Variants in JAKMIP3 observed in about 807,000 individuals in gnomAD.
The protein encoded by JAKMIP3 is janus kinase and microtubule-interacting protein 3.
Under a neutral mutation model 118.5 loss-of-function variants are expected in JAKMIP3, and 58 were observed. The ratio of observed to expected loss-of-function variants is 0.49; its 90% CI spans 0.40 to 0.61. JAKMIP3 has a LOEUF of 0.61. JAKMIP3 is among the 20% of genes least tolerant of loss of function. The probability of loss-of-function intolerance (pLI) is 0.00; values close to 1 mark genes in which losing one functional copy is unlikely to be tolerated. For synonymous variants in JAKMIP3, 486 were observed against 451.2 expected, an observed-to-expected ratio of 1.08 and a Z score of -0.98; for missense variants, 950 against 1,109.0, an observed-to-expected ratio of 0.86 and a Z score of 2.04.
At chr10:132,122,348 C>G (rs1414420270) in intron 3 of JAKMIP3, among the ~76,000 whole-genome samples, 1 of 152,256 alleles carries the variant, frequency 6.6e-6, no homozygotes, top group Admixed American at 6.5e-5. Context: ...CCCAGCACCC[C>G]AGCCTTGGCC....
At chr10:132,081,854 C>T (rs761382675) in intron 1 of JAKMIP3, among the ~76,000 whole-genome samples, 3 of 152,048 alleles carry the variant, frequency 2.0e-5, no homozygotes, top group Non-Finnish European at 4.4e-5. Flanking sequence ...CAGCCCTCAT[C>T]GGCCTCATTG....
Position 132,146,109 on chromosome 10 carries a change from G to A in JAKMIP3, c.1749+529G>A, listed in dbSNP as rs545376161. ...GCTCTCTTGGTCCCAGATGACAAGA[G>A]GCTCCTGAAGTGCTGCCCCGCCCCC... On this transcript the variant is annotated intron_variant, in intron 13 of 23. Coordinates refer to ENST00000684848, the MANE Select transcript of JAKMIP3 (RefSeq NM_001323087.2). 2.6e-4 allele frequency among the ~76,000 whole-genome samples: 39 copies of A among 152,202 alleles called. No individual in the cohort carries two copies. In the East Asian group the frequency reaches 7.6e-3, roughly 30 times the overall value.
chr10:132,135,792 G>T, intron 5 of JAKMIP3, 138 bp from the exon 6 acceptor site: 2 of 904,310 alleles, frequency 2.2e-6, no homozygotes. Flanking sequence ...GGCACCACTT[G>T]GAGGCGTGGA....
intron 1 of JAKMIP3, among the ~76,000 whole-genome samples, chr10:132,067,615 CCG>C (rs1406079362): frequency 2.0e-4 from 7 of 35,884 alleles, no homozygotes; most frequent in South Asian, 1.3e-3. Flanking sequence ...CTGTGGGCTT[CCG>C]TGTGTACTGT....
Position 132,168,977 on chromosome 10 carries a change from T to C in JAKMIP3, c.*1047T>C. On this transcript the variant is annotated 3_prime_UTR_variant, in exon 23 of 24. Coordinates refer to ENST00000684848, the MANE Select transcript of JAKMIP3 (RefSeq NM_001323087.2). ...AAGAAGGGAACCGCGGGGACGGCCTTTCCCCTCCCGCCCTGTGTGGGGACG... is the reference window on the plus strand; with the variant it reads ...AAGAAGGGAACCGCGGGGACGGCCTCTCCCCTCCCGCCCTGTGTGGGGACG... The C allele has an allele frequency of 6.3e-6, 1 of 158,160 alleles. No homozygotes were observed. The highest frequency in any genetic ancestry group is 1.4e-5 in the Non-Finnish European group (1 of 71,598). 9.8% of individuals were successfully genotyped at this position (158,160 alleles called of 1,614,324 possible).
intron 6 of JAKMIP3, 92 bp from the exon 7 acceptor site, chr10:132,136,927 G>A (rs746484329): frequency 9.3e-5 from 132 of 1,420,670 alleles, no homozygotes; most frequent in Non-Finnish European, 1.1e-4. Flanking sequence ...GTGGCAGCCC[G>A]GGTTGAGGGA....
At chr10:132,151,092 C>T (rs1340037189) in intron 16 of JAKMIP3, among the ~76,000 whole-genome samples, 1 of 152,112 alleles carries the variant, frequency 6.6e-6, no homozygotes, top group Non-Finnish European at 1.5e-5. Flanking sequence ...CCCATTCATC[C>T]TCCATAATCC....
Position 132,104,929 on chromosome 10 carries a change from CAGG to C in JAKMIP3, c.124_126del (p.Glu42del), listed in dbSNP as rs1231938974. On this transcript the variant is annotated inframe_deletion, in exon 2 of 24. Transcript: ENST00000684848. Reference sequence around the variant, plus strand: ...CACAGACATCCAGATCGAGCTGCAGCAGGAGAAGAGCAAGGTGGGCGCTCCCCA... The same window carrying C: ...CACAGACATCCAGATCGAGCTGCAGCAGAAGAGCAAGGTGGGCGCTCCCCA... 4 of 1,591,870 alleles carry C rather than the reference CAGG, an allele frequency of 2.5e-6. No individual in the cohort carries two copies. The highest frequency in any genetic ancestry group is 1.7e-5 in the Admixed American group (1 of 57,576).
chr10:132,110,561 C>T (rs543179097), intron 2 of JAKMIP3, among the ~76,000 whole-genome samples: 1 of 152,330 alleles, frequency 6.6e-6, no homozygotes, highest in Admixed American at 6.5e-5. Flanking sequence ...CATCAGAATT[C>T]TGCAACTGCT....
intron 21 of JAKMIP3, 90 bp downstream of exon 21, chr10:132,164,825 C>A: frequency 1.1e-6 from 1 of 879,590 alleles, no homozygotes; most frequent in Non-Finnish European, 1.9e-6. Context: ...AGCTCCAGGC[C>A]GTTGGGGCAG....
At chr10:132,133,646 C>G in intron 4 of JAKMIP3, 119 bp downstream of exon 4, 7 of 925,098 alleles carry the variant, frequency 7.6e-6, no homozygotes, top group Non-Finnish European at 1.1e-5. Context: ...GAGGCAGCAC[C>G]CTCCTGCCTG....
intron 1 of JAKMIP3, among the ~76,000 whole-genome samples, chr10:132,076,753 A>G (rs1394217741): frequency 7.0e-6 from 1 of 142,186 alleles, no homozygotes; most frequent in Non-Finnish European, 1.5e-5. Context: ...TGACTGACTG[A>G]AGACTGGCCT....
chr10:132,037,705 G>T (rs1011151359), intron 1 of JAKMIP3, among the ~76,000 whole-genome samples: 2 of 152,222 alleles, frequency 1.3e-5, no homozygotes, highest in Non-Finnish European at 2.9e-5. Flanking sequence ...GTAAACTGGA[G>T]TGGGGAGGGC....
At chr10:132,065,632 C>T (rs929858422), upstream of JAKMIP3, among the ~76,000 whole-genome samples, 2 of 152,122 alleles carry the variant, frequency 1.3e-5, no homozygotes, top group Non-Finnish European at 2.9e-5. The surrounding 1 kb of genome is among the most constrained non-coding windows in gnomAD (Gnocchi z 5.6). Flanking sequence ...GAGCCCAGGC[C>T]GCCTCTGCAT....
chr10:132,142,038 G>A lies in JAKMIP3; in HGVS notation c.1592G>A (p.Arg531Gln), dbSNP rs1287228433. The A allele has an allele frequency of 1.2e-6, 2 of 1,604,800 alleles. No homozygotes were observed. Among genetic ancestry groups the A allele is most frequent in the East Asian group, 2.2e-5 (1 of 44,518 alleles). Reference protein sequence around the residue: ...EQVGGTLDAEREVKTREQLQA... With the variant: ...EQVGGTLDAEQEVKTREQLQA... ...GTTGGAGGGACGCTGGACGCAGAGC[G>A]AGAAGTTAAGGTCTACGTGACTTCC... Residue 531 changes from arginine (R) to glutamine (Q), a missense_variant, in exon 11 of 24, where the codon CGA becomes CAA. Arg to Gln is a conservative substitution (Grantham distance 43). Transcript: ENST00000684848.
intron 3 of JAKMIP3, among the ~76,000 whole-genome samples, chr10:132,129,736 G>C (rs1273147684): frequency 1.3e-5 from 2 of 152,112 alleles, no homozygotes; most frequent in Non-Finnish European, 2.9e-5. Context: ...GTGCTGACAG[G>C]CACTGCTTTC....
At chr10:132,045,678 C>A (rs1304182586) in intron 1 of JAKMIP3, among the ~76,000 whole-genome samples, 1 of 152,262 alleles carries the variant, frequency 6.6e-6, no homozygotes, top group East Asian at 1.9e-4. Context: ...CCTATAATCC[C>A]AGCACTTTGG....
Position 132,180,677 on chromosome 10 carries a change from G to A in JAKMIP3, c.*1104-1680G>A, listed in dbSNP as rs1228520261. On this transcript the variant is annotated intron_variant, in intron 23 of 23. Transcript: ENST00000684848. ...CGTGTGCGTGTGTGCGTGTGTGTGC[G>A]CGCGCGTGTGTGTGCGTGCGTGTGT... Among the ~76,000 whole-genome samples the A allele has an allele frequency of 3.9e-4, 6 of 15,228 alleles. 2 individuals carry two copies. Among genetic ancestry groups the A allele is most frequent in the East Asian group, 0.014 (2 of 142 alleles). 10.0% of individuals were successfully genotyped at this position (15,228 alleles called of 152,430 possible). A position where few individuals can be genotyped will look rare whatever the true frequency, so the allele number is the denominator to read the frequency against.
chr10:132,163,465 C>T, intron 20 of JAKMIP3, 53 bp downstream of exon 20: 1 of 1,505,094 alleles, frequency 6.6e-7, no homozygotes, highest in Non-Finnish European at 8.9e-7. Context: ...AGGACCTGCA[C>T]AGAGCCAGGG....
Sources: allele counts gnomAD v4.1 joint callset (sites outside exome capture counted in the v4.1 genomes callset), GRCh38; gene constraint gnomAD v4.1.1; non-coding constraint Gnocchi (gnomAD v3.1); transcripts MANE v1.5; gene names NCBI Gene and HGNC (gene_info 2026-07-23, HGNC 2026-07-21).